OTOGL: variants seen among roughly 807,000 people sequenced by gnomAD.
OTOGL encodes otogelin like, also known as otogelin-like protein.
OTOGL carries 285 observed loss-of-function variants against 318.5 expected under a neutral mutation model. The ratio of observed to expected loss-of-function variants is 0.89; its 90% CI spans 0.81 to 0.99. The LOEUF (loss-of-function observed/expected upper bound fraction) is 0.99, where lower values mean the gene tolerates loss of function less well. OTOGL is among the 50% of genes least tolerant of loss of function. The pLI, the probability that OTOGL is intolerant of heterozygous loss-of-function variation, is 0.00. For synonymous variants in OTOGL, 987 were observed against 936.5 expected (o/e 1.05, Z -0.99); for missense variants, 2,899 against 2,845.6 (o/e 1.02, Z -0.43).
At chr12:80,210,140 C>T (rs777448740) in intron 2 of OTOGL, among the ~76,000 whole-genome samples, 28 of 152,080 alleles carry the variant, frequency 1.8e-4, no homozygotes, top group Admixed American at 1.0e-3. Flanking sequence ...CACACCTTCA[C>T]GTGCCTTCAC....
In OTOGL at chr12:80,358,332, G is replaced by T; in HGVS notation, c.6104G>T (p.Cys2035Phe). The T allele has an allele frequency of 1.3e-6, 2 of 1,598,904 alleles. No homozygotes were observed. The highest frequency in any genetic ancestry group is 4.5e-5 in the East Asian group (2 of 44,674). ...TVDLNSTHFCCPQYYCVCEPN... is the reference protein window; with the variant it reads ...TVDLNSTHFCFPQYYCVCEPN... ...GATCTTAATAGCACACACTTCTGTTGTCCTCAGTATTACTGTGGTAAGTGT... is the reference window on the plus strand; with the variant it reads ...GATCTTAATAGCACACACTTCTGTTTTCCTCAGTATTACTGTGGTAAGTGT... Residue 2035 changes from cysteine to phenylalanine, a missense_variant, in exon 50 of 59, where the codon TGT (cysteine) becomes TTT (phenylalanine). Coordinates refer to ENST00000547103, the MANE Select transcript of OTOGL (RefSeq NM_001378609.3).
intron 11 of OTOGL, among the ~76,000 whole-genome samples, chr12:80,241,779 C>T (rs1880400111): frequency 6.6e-6 from 1 of 152,106 alleles, no homozygotes; most frequent in East Asian, 1.9e-4. Flanking sequence ...AAAATCCATG[C>T]CGGTTAGTGG....
intron 26 of OTOGL, among the ~76,000 whole-genome samples, chr12:80,295,429 G>A (rs532099487): frequency 2.0e-5 from 3 of 152,064 alleles, no homozygotes; most frequent in South Asian, 2.1e-4. Context: ...TGCCTGCCTC[G>A]GCCTCCCAAA....
Position 80,320,621 on chromosome 12 carries a change from A to T in OTOGL, c.4002A>T (p.Ile1334=), listed in dbSNP as rs1410684178. Reference sequence around the variant, plus strand: ...ACAGCAAGAAAGGCTTTTTCATCATATTCACAGATTCTAGTGTCAAAGCAT... The same window carrying T: ...ACAGCAAGAAAGGCTTTTTCATCATTTTCACAGATTCTAGTGTCAAAGCAT... ...ELYSKKGFFI[I]FTDSSVKASK... is the part of the protein sequence containing the mutation. The change falls in exon 34 of 59, where the codon ATA becomes ATT. Residue 1334 remains isoleucine, a synonymous_variant. Transcript: ENST00000547103. The T allele has an allele frequency of 3.7e-6, 6 of 1,611,210 alleles. No individual in the cohort carries two copies.
chr12:80,314,377 G>A lies in OTOGL; in HGVS notation c.3634+46G>A, dbSNP rs1886842799. ...AAATATCACTATAGTATTCTATTAG[G>A]TGTATTTTCATATTAAAAATTTTTG... On this transcript the variant is annotated intron_variant, in intron 32 of 58. Transcript: ENST00000547103. 4.9e-6 allele frequency: 4 copies of A among 816,344 alleles called. No homozygotes were observed. The East Asian group carries it at 1.1e-4, about 22-fold the overall frequency. The allele number at this position is 816,344 out of a possible 1,614,324, so 50.6% of individuals were successfully genotyped here.
intron 1 of OTOGL, among the ~76,000 whole-genome samples, chr12:80,146,491 T>A (rs1373894162): frequency 6.6e-6 from 1 of 151,896 alleles, no homozygotes; most frequent in Non-Finnish European, 1.5e-5. Context: ...TGCATCAATA[T>A]TCATCAAGGA....
chr12:80,189,743 C>A (rs1413971660), intron 1 of OTOGL, among the ~76,000 whole-genome samples: 2 of 152,114 alleles, frequency 1.3e-5, no homozygotes, highest in Non-Finnish European at 2.9e-5. Flanking sequence ...ATTTGATGCA[C>A]CTGGAGCATA....
chr12:80,153,280 G>C (rs1872903449), intron 1 of OTOGL, among the ~76,000 whole-genome samples: 1 of 152,116 alleles, frequency 6.6e-6, no homozygotes, highest in South Asian at 2.1e-4. Flanking sequence ...GTCCTCAGAT[G>C]GTGGAAGGAG....
At chr12:80,139,883 C>T (rs1029583827) in intron 1 of OTOGL, among the ~76,000 whole-genome samples, 1 of 152,080 alleles carries the variant, frequency 6.6e-6, no homozygotes, top group African/African-American at 2.4e-5. Flanking sequence ...AAAATATTTC[C>T]ATCTGAATGT....
chr12:80,359,487 G>A (rs1454063177), intron 52 of OTOGL, among the ~76,000 whole-genome samples: 9 of 151,958 alleles, frequency 5.9e-5, no homozygotes, highest in African/African-American at 1.9e-4. Flanking sequence ...TATTCCTGGC[G>A]CTATTTATTA....
intron 1 of OTOGL, among the ~76,000 whole-genome samples, chr12:80,178,717 G>A (rs1874713028): frequency 6.6e-6 from 1 of 152,130 alleles, no homozygotes; most frequent in Non-Finnish European, 1.5e-5. Flanking sequence ...CATATATTTT[G>A]TACAGGTTTT....
chr12:80,106,207 A>G (rs1306267911), intron 1 of OTOGL, among the ~76,000 whole-genome samples: 2 of 152,202 alleles, frequency 1.3e-5, no homozygotes, highest in Admixed American at 1.3e-4. Context: ...TGATGAAGGA[A>G]GATTCGTCAG....
chr12:80,336,415 C>A lies in OTOGL; in HGVS notation c.4603C>A (p.Arg1535=). Residue 1535 remains arginine (R), a splice_region_variant and synonymous_variant, in exon 40 of 59, where the codon CGG becomes AGG. Coordinates refer to ENST00000547103, the MANE Select transcript of OTOGL (RefSeq NM_001378609.3). ...ICCPEWECPC[R]CSMLSELSII... is the part of the protein sequence containing the mutation. ...TCCACTTTCCACCATTTTTATAGGT[C>A]GGTGTTCCATGTTGTCAGAACTGAG... 1.3e-6 allele frequency: 2 copies of A among 1,591,538 alleles called. No individual in the cohort carries two copies. Among genetic ancestry groups the A allele is most frequent in the Non-Finnish European group, 8.5e-7 (1 of 1,170,398 alleles).
At chr12:80,306,920 G>A (rs1384073071) in intron 29 of OTOGL, among the ~76,000 whole-genome samples, 3 of 150,272 alleles carry the variant, frequency 2.0e-5, no homozygotes, top group Non-Finnish European at 2.9e-5. Flanking sequence ...AGTGAACAAA[G>A]GTCTCTGGTT....
intron 1 of OTOGL, among the ~76,000 whole-genome samples, chr12:80,130,327 G>A (rs576751360): frequency 4.6e-5 from 7 of 152,314 alleles, no homozygotes; most frequent in Non-Finnish European, 7.3e-5. Flanking sequence ...ATCAGCATTT[G>A]TCTTGGATAT....
intron 35 of OTOGL, among the ~76,000 whole-genome samples, chr12:80,327,650 T>A (rs1887763239): frequency 1.3e-5 from 2 of 151,228 alleles, no homozygotes; most frequent in Admixed American, 6.6e-5. Context: ...TCTGCTTGGA[T>A]GTGAGGGGAG....
rs533032979 is a variant in OTOGL at position 80,148,987 on chromosome 12, C to T, written c.-20+49382C>T. 3.3e-5 allele frequency among the ~76,000 whole-genome samples: 5 copies of T among 152,176 alleles called. No individual in the cohort carries two copies. In the East Asian group the frequency reaches 7.7e-4, roughly 24 times the overall value. On this transcript the variant is annotated intron_variant, in intron 1 of 58. Transcript: ENST00000547103. Reference sequence around the variant, plus strand: ...TTTTTCAAAGTTTTCAACTTGTTTGCCTTTGGTTTGAATGTCCTCCTGTAG... The same window carrying T: ...TTTTTCAAAGTTTTCAACTTGTTTGTCTTTGGTTTGAATGTCCTCCTGTAG...
intron 1 of OTOGL, among the ~76,000 whole-genome samples, chr12:80,178,777 C>T (rs1408561782): frequency 6.6e-6 from 1 of 152,152 alleles, no homozygotes; most frequent in East Asian, 1.9e-4. Context: ...CCCTAACTAC[C>T]AGAGCCAGAA....
Position 80,321,925 on chromosome 12 carries a change from A to T in OTOGL, c.4081+1225A>T, listed in dbSNP as rs142774484. Among the ~76,000 whole-genome samples the T allele has an allele frequency of 2.3e-3, 349 of 152,300 alleles. 2 individuals carry two copies. Among genetic ancestry groups the T allele is most frequent in the African/African-American group, 8.2e-3 (340 of 41,558 alleles). ...CTCAGAAAAGCCCAGGGTGAACTGAATCTTGTCTGCACATGCTCCAGGTTG... is the reference window on the plus strand; with the variant it reads ...CTCAGAAAAGCCCAGGGTGAACTGATTCTTGTCTGCACATGCTCCAGGTTG... On this transcript the variant is annotated intron_variant, in intron 34 of 58. Transcript: ENST00000547103.
Sources: allele counts gnomAD v4.1 joint callset (sites outside exome capture counted in the v4.1 genomes callset), GRCh38; gene constraint gnomAD v4.1.1; transcripts MANE v1.5; gene names NCBI Gene and HGNC (gene_info 2026-07-23, HGNC 2026-07-21).